The following SLMAP variants were observed in gnomAD, a reference collection of about 807,000 sequenced individuals.
SLMAP encodes the protein sarcolemma associated protein, also known as sarcolemmal membrane-associated protein.
Under a neutral mutation model 128.8 loss-of-function variants are expected in SLMAP, and 44 were observed. The ratio of observed to expected loss-of-function variants is 0.34; its 90% CI spans 0.27 to 0.44. SLMAP has a LOEUF of 0.44. Ranked by LOEUF, SLMAP falls within the 20% of genes least tolerant of loss-of-function variation. SLMAP has a pLI of 1.00. For synonymous variants in SLMAP, 327 were observed against 348.8 expected (o/e 0.94, Z 0.70); for missense variants, 787 against 985.3 (o/e 0.80, Z 2.69).
rs372649722 is a variant in SLMAP at position 57,775,544 on chromosome 3, G to A, written c.198+17695G>A. Among the ~76,000 whole-genome samples, 21 of 148,140 alleles carry A rather than the reference G, an allele frequency of 1.4e-4. No individual in the cohort carries two copies. The East Asian group carries it at 4.0e-3, about 28-fold the overall frequency. The stretch of plus-strand genomic sequence containing the variant: ...AAAAAAAAAAAAAAAAAAAAGAGCC[G>A]GGCGTGGTGGTGTATGCCTGTAGTC... On this transcript the variant is annotated intron_variant, in intron 2 of 24. Coordinates refer to ENST00000671191, the MANE Select transcript of SLMAP (RefSeq NM_001377540.1).
intron 3 of SLMAP, among the ~76,000 whole-genome samples, chr3:57,840,462 T>C (rs1389771720): frequency 2.0e-5 from 3 of 152,156 alleles, no homozygotes. Flanking sequence ...CTCTGGAAAA[T>C]GTAATACAGT....
At chr3:57,886,812 C>T (rs939241314) in intron 14 of SLMAP, among the ~76,000 whole-genome samples, 1 of 151,450 alleles carries the variant, frequency 6.6e-6, no homozygotes, top group Admixed American at 6.6e-5. Flanking sequence ...AATGACCACA[C>T]ACTAAGCCAG....
intron 15 of SLMAP, chr3:57,890,384 T>G: frequency 6.9e-6 from 2 of 288,356 alleles, no homozygotes; most frequent in Non-Finnish European, 1.3e-5. Context: ...TTGCAATCTC[T>G]GTCATTCCCA....
intron 17 of SLMAP, among the ~76,000 whole-genome samples, chr3:57,904,973 A>T (rs2096490934): frequency 6.6e-6 from 1 of 152,032 alleles, no homozygotes; most frequent in Admixed American, 6.5e-5. Context: ...AGGCTGAGGA[A>T]GGGGGATAGC....
intron 2 of SLMAP, among the ~76,000 whole-genome samples, chr3:57,786,443 G>A (rs1158091871): frequency 6.6e-6 from 1 of 152,134 alleles, no homozygotes; most frequent in Non-Finnish European, 1.5e-5. Flanking sequence ...AATTGGTTAG[G>A]GAAGTATAAT....
intron 6 of SLMAP, among the ~76,000 whole-genome samples, chr3:57,853,292 T>C (rs1338603530): frequency 6.6e-6 from 1 of 152,232 alleles, no homozygotes; most frequent in Non-Finnish European, 1.5e-5. Flanking sequence ...CTTTAACCGA[T>C]AGCTTTATTA....
intron 13 of SLMAP, among the ~76,000 whole-genome samples, chr3:57,869,898 A>G (rs945901263): frequency 6.6e-6 from 1 of 151,460 alleles, no homozygotes; most frequent in African/African-American, 2.4e-5. Flanking sequence ...GTATTAGATA[A>G]CACAGGTATA....
At chr3:57,775,639 A>G (rs956184691) in intron 2 of SLMAP, among the ~76,000 whole-genome samples, 27 of 151,370 alleles carry the variant, frequency 1.8e-4, no homozygotes, top group Admixed American at 1.4e-3. Flanking sequence ...GCAGTGAGCT[A>G]TGATCGCGCC....
chr3:57,772,330 A>G (rs1559928961), intron 2 of SLMAP, among the ~76,000 whole-genome samples: 1 of 152,246 alleles, frequency 6.6e-6, no homozygotes, highest in South Asian at 2.1e-4. Flanking sequence ...GTTATATGCC[A>G]CAGACATTGT....
intron 2 of SLMAP, among the ~76,000 whole-genome samples, chr3:57,772,063 G>A (rs545760328): frequency 7.2e-5 from 11 of 152,302 alleles, no homozygotes; most frequent in East Asian, 3.9e-4. Context: ...GGAGTTTCTC[G>A]TTTAATTGGA....
chr3:57,774,949 A>G (rs189396073), intron 2 of SLMAP, among the ~76,000 whole-genome samples: 9 of 152,290 alleles, frequency 5.9e-5, no homozygotes, highest in Non-Finnish European at 1.5e-5. Flanking sequence ...GTATAGAAAA[A>G]TGTTTACTCC....
intron 2 of SLMAP, among the ~76,000 whole-genome samples, chr3:57,802,558 G>A (rs985511129): frequency 2.6e-5 from 4 of 152,074 alleles, no homozygotes; most frequent in African/African-American, 9.7e-5. Context: ...GAGCCACCGC[G>A]CTCAGCCTGC....
chr3:57,757,533 C>A lies in SLMAP; in HGVS notation c.-119C>A, dbSNP rs113525900. 3.6e-6 allele frequency: 3 copies of A among 824,098 alleles called. No individual in the cohort carries two copies. Among genetic ancestry groups the A allele is most frequent in the South Asian group, 1.6e-5 (1 of 63,594 alleles). 51.0% of individuals were successfully genotyped at this position (824,098 alleles called of 1,614,324 possible). ...TCACTGGTTATGCTTAGACAATGTG[C>A]AGTTTGTGTTAATTTAAAATTTTGG... On this transcript the variant is annotated 5_prime_UTR_variant, in exon 2 of 25. The change creates a premature stop within an existing upstream ORF in the 5' untranslated region. Coordinates refer to ENST00000671191, the MANE Select transcript of SLMAP (RefSeq NM_001377540.1).
chr3:57,761,282 T>A (rs2078582552), intron 2 of SLMAP, among the ~76,000 whole-genome samples: 1 of 151,870 alleles, frequency 6.6e-6, no homozygotes, highest in South Asian at 2.1e-4. Context: ...ATAGAATAAA[T>A]TTTGTTTTTG....
intron 14 of SLMAP, among the ~76,000 whole-genome samples, chr3:57,877,360 G>C (rs978644889): frequency 1.3e-5 from 2 of 152,092 alleles, no homozygotes; most frequent in Non-Finnish European, 2.9e-5. Context: ...TGTGAGGTCA[G>C]CCTCTCAGAA....
intron 2 of SLMAP, among the ~76,000 whole-genome samples, chr3:57,813,114 G>A (rs1291706122): frequency 4.2e-5 from 2 of 47,404 alleles, no homozygotes; most frequent in African/African-American, 1.7e-4. Context: ...TTTTTTTTTT[G>A]AGACAGAGTC....
chr3:57,890,136 C>G (rs2096019461), intron 15 of SLMAP, 36 bp downstream of exon 15: 1 of 1,599,550 alleles, frequency 6.3e-7, no homozygotes, highest in Non-Finnish European at 8.6e-7. Context: ...TTTGACAGTT[C>G]TTTTGGATAA....
chr3:57,837,975 G>A (rs546703909), intron 3 of SLMAP, among the ~76,000 whole-genome samples: 196 of 152,280 alleles, frequency 1.3e-3, no homozygotes, highest in Non-Finnish European at 2.5e-3. Flanking sequence ...GCCTTCAACT[G>A]TGCAGCAACT....
intron 13 of SLMAP, among the ~76,000 whole-genome samples, chr3:57,870,076 G>A (rs888740839): frequency 1.3e-5 from 2 of 151,984 alleles, no homozygotes; most frequent in Non-Finnish European, 2.9e-5. Flanking sequence ...AGTAATGGTA[G>A]GATGTCCCTC....
Sources: allele counts gnomAD v4.1 joint callset (sites outside exome capture counted in the v4.1 genomes callset), GRCh38; gene constraint gnomAD v4.1.1; transcripts MANE v1.5; gene names NCBI Gene and HGNC (gene_info 2026-07-23, HGNC 2026-07-21).